Variants in ARMC2 observed in about 807,000 individuals in gnomAD.
ARMC2 encodes the protein armadillo repeat containing 2, also known as armadillo repeat-containing protein 2.
ARMC2 carries 67 observed loss-of-function variants against 90.3 expected under a neutral mutation model. The ratio of observed to expected loss-of-function variants is 0.74; its 90% CI spans 0.61 to 0.91. ARMC2 has a LOEUF of 0.91. Ranked by LOEUF, ARMC2 falls within the 40% of genes least tolerant of loss-of-function variation. The probability of loss-of-function intolerance (pLI) is 0.00; values close to 1 mark genes in which losing one functional copy is unlikely to be tolerated. For synonymous variants in ARMC2, 393 were observed against 393.0 expected, an observed-to-expected ratio of 1.00 and a Z score of 0.00; for missense variants, 920 against 1,030.9, an observed-to-expected ratio of 0.89 and a Z score of 1.47.
chr6:109,038,941 G>A, the ARMC2 span, among the ~76,000 whole-genome samples: 30 of 149,868 alleles, frequency 2.0e-4, no homozygotes, highest in South Asian at 2.8e-3. Flanking sequence ...GAAAAGAGAA[G>A]AAGAAAAGAA....
chr6:108,989,655 AATAATT>A, the ARMC2 span, among the ~76,000 whole-genome samples: 1 of 151,762 alleles, frequency 6.6e-6, no homozygotes, highest in Non-Finnish European at 1.5e-5. Flanking sequence ...ATAAAATAAA[AATAATT>A]AGAATTACTT....
At chr6:109,043,487 A>G in the ARMC2 span, among the ~76,000 whole-genome samples, 2 of 152,210 alleles carry the variant, frequency 1.3e-5, no homozygotes, top group Non-Finnish European at 2.9e-5. Context: ...TTTATAAAAA[A>G]CAACGAATTC....
intron 6 of ARMC2, among the ~76,000 whole-genome samples, chr6:108,896,568 G>T (rs1477552699): frequency 6.6e-6 from 1 of 152,154 alleles, no homozygotes; most frequent in Non-Finnish European, 1.5e-5. Context: ...TGAAATTCCT[G>T]GGAGAGGGTT....
chr6:108,920,166 A>C lies in ARMC2; in HGVS notation c.1350+7608A>C, dbSNP rs1218976182. The stretch of plus-strand genomic sequence containing the variant: ...TTTGGTATTGATCACTACACTGGCT[A>C]ATTTTTTATTTTGTTTTGTTTTGTT... On this transcript the variant is annotated intron_variant, in intron 10 of 17. Coordinates refer to ENST00000392644, the MANE Select transcript of ARMC2 (RefSeq NM_032131.6). 2.6e-5 allele frequency among the ~76,000 whole-genome samples: 4 copies of C among 152,098 alleles called. No individual in the cohort carries two copies. In the South Asian group the frequency reaches 8.3e-4, roughly 32 times the overall value.
chr6:109,033,830 A>T, the ARMC2 span, among the ~76,000 whole-genome samples: 1 of 152,244 alleles, frequency 6.6e-6, no homozygotes, highest in African/African-American at 2.4e-5. Context: ...TTTAGTTAAC[A>T]GTGCCTCTCA....
the ARMC2 span, among the ~76,000 whole-genome samples, chr6:108,990,155 A>T: frequency 6.6e-6 from 1 of 152,248 alleles, no homozygotes; most frequent in Non-Finnish European, 1.5e-5. Flanking sequence ...TCAATGTAAC[A>T]TAGTAACATG....
intron 7 of ARMC2, among the ~76,000 whole-genome samples, chr6:108,901,069 G>A (rs887830333): frequency 1.6e-5 from 2 of 125,708 alleles, no homozygotes; most frequent in African/African-American, 6.1e-5. Context: ...GGCCTTTCTT[G>A]TAGGAAGCCT....
chr6:108,936,524 G>A (rs1775975654), intron 11 of ARMC2, among the ~76,000 whole-genome samples: 1 of 152,204 alleles, frequency 6.6e-6, no homozygotes, highest in East Asian at 1.9e-4. Flanking sequence ...CCAAAGTGCT[G>A]GGATTACAGG....
At chr6:108,976,188 G>A (rs190574306), downstream of ARMC2, among the ~76,000 whole-genome samples, 143 of 152,302 alleles carry the variant, frequency 9.4e-4, no homozygotes, top group South Asian at 2.3e-3. Flanking sequence ...TGTATAAAGT[G>A]TAAGGAAGGG....
chr6:108,977,896 T>G (rs1255111416), downstream of ARMC2, among the ~76,000 whole-genome samples: 2 of 152,182 alleles, frequency 1.3e-5, no homozygotes, highest in Non-Finnish European at 2.9e-5. Context: ...TTTATTCTTC[T>G]TTATTAGTCT....
intron 5 of ARMC2, among the ~76,000 whole-genome samples, chr6:108,879,527 T>TATCC (rs1453758394): frequency 6.7e-6 from 1 of 149,740 alleles, no homozygotes; most frequent in African/African-American, 2.5e-5. Context: ...TCTACCCATC[T>TATCC]ATCCATCCAC....
At position 108,894,568 on chromosome 6, in the gene ARMC2, T is replaced by C. The variant is rs779246494; in HGVS notation, c.748+25T>C. 6 of 1,560,696 alleles carry C rather than the reference T, an allele frequency of 3.8e-6. No individual in the cohort carries two copies. The South Asian group carries it at 5.9e-5, about 15-fold the overall frequency. ...GGTGAGGGGTCCCCACACTCCTTCA[T>C]CTACAGCATCTCCACTTGAAGGAAA... On this transcript the variant is annotated intron_variant, in intron 6 of 17. Transcript: ENST00000392644.
At chr6:108,924,166 TG>T (rs1350645657) in intron 10 of ARMC2, 1 of 152,102 alleles carries the variant, frequency 6.6e-6, no homozygotes, top group East Asian at 1.9e-4. Context: ...GGAGAGGAAG[TG>T]ACTGATCAGC....
chr6:108,868,806 A>G lies in ARMC2; in HGVS notation c.292-18A>G. 1 of 1,609,920 alleles carries G rather than the reference A, an allele frequency of 6.2e-7. No homozygotes were observed. The highest frequency in any genetic ancestry group is 8.5e-7 in the Non-Finnish European group (1 of 1,177,808). ...ACGCAGAAAGTCATTCCAGTTATTT[A>G]AAAAAATCTCTTTCCAGAAACCGAA... On this transcript the variant is annotated intron_variant, in intron 3 of 17. Transcript: ENST00000392644.
chr6:109,040,657 CT>C, the ARMC2 span, among the ~76,000 whole-genome samples: 360 of 141,908 alleles, frequency 2.5e-3, no homozygotes, highest in Middle Eastern at 7.2e-3. Context: ...CTAGCATAAT[CT>C]TTTTTTTTTT....
chr6:109,052,919 ATC>A, the ARMC2 span, among the ~76,000 whole-genome samples: 1 of 152,186 alleles, frequency 6.6e-6, no homozygotes, highest in Non-Finnish European at 1.5e-5. Flanking sequence ...AGAGCTTATA[ATC>A]TAGTCAAGGG....
At chr6:108,995,324 T>C in the ARMC2 span, among the ~76,000 whole-genome samples, 1 of 152,242 alleles carries the variant, frequency 6.6e-6, no homozygotes, top group African/African-American at 2.4e-5. Context: ...TGGGCATACA[T>C]ATTGTCAATG....
At chr6:108,900,855 G>C (rs561153276) in intron 7 of ARMC2, among the ~76,000 whole-genome samples, 6 of 152,202 alleles carry the variant, frequency 3.9e-5, no homozygotes, top group Non-Finnish European at 5.9e-5. Context: ...GCAGCCCAAA[G>C]TCCTAAGGAT....
At chr6:109,004,759 C>CATAG in the ARMC2 span, among the ~76,000 whole-genome samples, 2 of 151,990 alleles carry the variant, frequency 1.3e-5, no homozygotes, top group Non-Finnish European at 2.9e-5. Flanking sequence ...GAGCAAACAA[C>CATAG]ACAGTTCAAG....
Sources: gnomAD v4.1 joint callset for allele counts (sites outside exome capture counted in the v4.1 genomes callset) on GRCh38, gnomAD v4.1.1 for gene constraint, MANE v1.5 for transcripts, NCBI Gene and HGNC (gene_info 2026-07-23, HGNC 2026-07-21) for gene names.